Variants in GABRG3 observed in about 807,000 individuals in gnomAD.
GABRG3 encodes gamma-aminobutyric acid type A receptor subunit gamma3.
GABRG3 carries 25 observed loss-of-function variants against 48.8 expected under a neutral mutation model. That is an observed-to-expected ratio of 0.51 (90% CI 0.37 to 0.72). GABRG3 has a LOEUF of 0.72. Among genes scored for constraint, GABRG3 ranks in the 30% least tolerant of loss-of-function variants. The pLI is 0.00. For missense variants in GABRG3, 394 were observed against 577.9 expected (o/e 0.68, Z 3.26); for synonymous variants, 227 against 217.6 (o/e 1.04, Z -0.38).
chr15:27,388,365 GAAGA>G (rs1193502635), intron 5 of GABRG3, among the ~76,000 whole-genome samples: 5 of 75,360 alleles, frequency 6.6e-5, no homozygotes, highest in African/African-American at 1.1e-4. Flanking sequence ...AGGAAGGAAG[GAAGA>G]AAGGAAGGAA....
intron 5 of GABRG3, among the ~76,000 whole-genome samples, chr15:27,407,560 G>C (rs1045664962): frequency 6.6e-6 from 1 of 152,144 alleles, no homozygotes; most frequent in Non-Finnish European, 1.5e-5. Context: ...AAACAACCAA[G>C]ATGTTTTTCA....
At chr15:27,437,000 A>ATT (rs1888635425) in intron 5 of GABRG3, among the ~76,000 whole-genome samples, 1 of 102,364 alleles carries the variant, frequency 9.8e-6, no homozygotes, top group African/African-American at 6.6e-5. Flanking sequence ...AAAAATAGAG[A>ATT]GAGAGAGAGA....
chr15:27,175,743 C>G (rs548610781), intron 3 of GABRG3, among the ~76,000 whole-genome samples: 1 of 152,304 alleles, frequency 6.6e-6, no homozygotes, highest in African/African-American at 2.4e-5. Context: ...AGAGCAGATG[C>G]CTGCATTCTT....
chr15:27,350,972 TGTGTGTGTATG>T (rs1894550240), intron 5 of GABRG3, among the ~76,000 whole-genome samples: 2 of 150,654 alleles, frequency 1.3e-5, no homozygotes, highest in African/African-American at 5.0e-5. Context: ...GGTGTGTGTT[TGTGTGTGTATG>T]GTGTGTGAAT....
At chr15:27,400,879 C>T (rs183012416) in intron 5 of GABRG3, among the ~76,000 whole-genome samples, 4 of 152,274 alleles carry the variant, frequency 2.6e-5, no homozygotes, top group South Asian at 2.1e-4. Flanking sequence ...AACCTCAGAC[C>T]TGGCTCACAC....
intron 9 of GABRG3, chr15:27,530,951 T>C: frequency 6.1e-6 from 2 of 329,384 alleles, no homozygotes; most frequent in South Asian, 4.7e-5. Context: ...GCAGATCCCT[T>C]CAATGCAGTG....
intron 2 of GABRG3, among the ~76,000 whole-genome samples, chr15:27,013,687 G>T (rs1895728249): frequency 2.0e-5 from 3 of 152,046 alleles, no homozygotes; most frequent in Non-Finnish European, 4.4e-5. Context: ...TTTATGCAAG[G>T]ATTTAACTAT....
chr15:27,450,881 A>G (rs1889090839), intron 5 of GABRG3, among the ~76,000 whole-genome samples: 2 of 152,226 alleles, frequency 1.3e-5, no homozygotes, highest in Non-Finnish European at 2.9e-5. Context: ...GAAAATCAAC[A>G]TGCAAAAATC....
chr15:27,458,007 A>T (rs551088053), intron 5 of GABRG3, among the ~76,000 whole-genome samples: 1 of 152,180 alleles, frequency 6.6e-6, no homozygotes, highest in Admixed American at 6.5e-5. Context: ...AACTCCTTGG[A>T]CGGTGCAGGA....
At chr15:27,015,798 T>C (rs1245435685) in intron 2 of GABRG3, among the ~76,000 whole-genome samples, 1 of 152,206 alleles carries the variant, frequency 6.6e-6, no homozygotes, top group East Asian at 1.9e-4. Context: ...ACAATCTCTA[T>C]TAAACTGATA....
intron 2 of GABRG3, among the ~76,000 whole-genome samples, chr15:26,982,940 G>C (rs1895080636): frequency 6.6e-6 from 1 of 152,182 alleles, no homozygotes; most frequent in Non-Finnish European, 1.5e-5. Flanking sequence ...ATTAGGACTT[G>C]TCTGCCTGTC....
At chr15:27,472,523 A>C (rs112978680) in intron 5 of GABRG3, among the ~76,000 whole-genome samples, 2,598 of 152,154 alleles carry the variant, frequency 0.017, 90 homozygotes, top group African/African-American at 0.06. Context: ...TGACCTGCCC[A>C]CCTTGGCCTC....
At chr15:27,365,648 T>G (rs1895171518) in intron 5 of GABRG3, 1 of 152,168 alleles carries the variant, frequency 6.6e-6, no homozygotes, top group East Asian at 1.9e-4. Flanking sequence ...CTTTGATGAC[T>G]CATTAGGGAG....
intron 3 of GABRG3, among the ~76,000 whole-genome samples, chr15:27,119,924 A>G (rs530800692): frequency 1.3e-5 from 2 of 152,214 alleles, no homozygotes; most frequent in Non-Finnish European, 1.5e-5. Context: ...GTGCAATGTA[A>G]TGGGATCATG....
intron 5 of GABRG3, among the ~76,000 whole-genome samples, chr15:27,405,660 A>T (rs1422630952): frequency 2.6e-5 from 4 of 151,774 alleles, no homozygotes; most frequent in Non-Finnish European, 5.9e-5. Context: ...CCAAACGTTC[A>T]TCTGTAGGTG....
chr15:27,101,852 A>G (rs1228559590), intron 3 of GABRG3, among the ~76,000 whole-genome samples: 1 of 151,780 alleles, frequency 6.6e-6, no homozygotes, highest in East Asian at 1.9e-4. Context: ...TAAAAAAAAA[A>G]AAAAAAAAAA....
chr15:27,213,328 T>G (rs993448346), intron 3 of GABRG3, among the ~76,000 whole-genome samples: 5 of 152,198 alleles, frequency 3.3e-5, no homozygotes, highest in Non-Finnish European at 7.3e-5. Context: ...GGCTTTTATT[T>G]GCAATTCTAG....
chr15:27,388,245 G>GGT (rs1896063998), intron 5 of GABRG3, among the ~76,000 whole-genome samples: 1 of 29,164 alleles, frequency 3.4e-5, no homozygotes, highest in Non-Finnish European at 6.4e-5. Flanking sequence ...AGGGAGGGAG[G>GGT]AAAGGAAGGA....
intron 5 of GABRG3, among the ~76,000 whole-genome samples, chr15:27,419,351 T>C (rs1175311845): frequency 1.3e-5 from 2 of 151,906 alleles, no homozygotes; most frequent in Non-Finnish European, 2.9e-5. Context: ...TTCTTCTAAC[T>C]TTTTTTTCAT....
Sources: gnomAD v4.1 joint callset for allele counts (sites outside exome capture counted in the v4.1 genomes callset) on GRCh38, gnomAD v4.1.1 for gene constraint, MANE v1.5 for transcripts, NCBI Gene and HGNC (gene_info 2026-07-23, HGNC 2026-07-21) for gene names.